The following TDRD12 variants were observed in gnomAD, a reference collection of about 807,000 sequenced individuals.
The protein encoded by TDRD12 is putative ATP-dependent RNA helicase TDRD12.
A neutral mutation model predicts 133.5 loss-of-function variants in TDRD12; 158 were observed. The observed-to-expected ratio is 1.18, with a 90% confidence interval of 1.04 to 1.35. The LOEUF is 1.35. Ranked by LOEUF, TDRD12 falls within the 40% of genes most tolerant of loss-of-function variation. The pLI is 0.00. For synonymous variants in TDRD12, 460 were observed against 477.9 expected (o/e 0.96, Z 0.49); for missense variants, 1,443 against 1,321.3 (o/e 1.09, Z -1.43).
chr19:32,798,396 G>A, exon 16 of TDRD12: 1 of 1,535,940 alleles, frequency 6.5e-7, no homozygotes, highest in Non-Finnish European at 8.7e-7. Context: ...ACCTGATCCT[G>A]GATGAGGTAG....
At position 32,748,372 on chromosome 19, in the gene TDRD12, C is replaced by G. The variant is rs1048259862; in HGVS notation, c.441-104C>G. On this transcript the variant is annotated intron_variant, in intron 4 of 27. Transcript: ENST00000444215. ...TGCCCCATCATCTGCATCACGTGTT[C>G]CATATGTAGTGTGAGAAATGTCCAG... 10 of 1,158,722 alleles carry G rather than the reference C, an allele frequency of 8.6e-6. No individual in the cohort carries two copies. The African/African-American group carries it at 1.4e-4, about 16-fold the overall frequency. The allele number at this position is 1,158,722 out of a possible 1,614,324, so 71.8% of individuals were successfully genotyped here.
At chr19:32,807,741 G>T (rs1250441540) in intron 22 of TDRD12, 93 bp downstream of exon 22, 31 of 892,786 alleles carry the variant, frequency 3.5e-5, no homozygotes, top group Non-Finnish European at 5.2e-5. Flanking sequence ...TAGATGTCAT[G>T]GTGCCTTCCA....
In TDRD12 at chr19:32,821,096, A is replaced by AG. The variant is rs1265344328; in HGVS notation, c.3449dup (p.Gly1151ArgfsTer3). On this transcript the variant is annotated frameshift_variant, in exon 28 of 28. Transcript: ENST00000444215. LOFTEE classifies it low-confidence loss of function (END_TRUNC). ...CCCAGCCTGAGGACACGGGTGCAGA[A>AG]GGAGGGGCTGAGTCCAAGACGAGCT... 7.8e-6 allele frequency: 12 copies of AG among 1,536,000 alleles called. No individual in the cohort carries two copies. In the African/African-American group the frequency reaches 1.2e-4, roughly 16 times the overall value.
In TDRD12 at chr19:32,818,169, C is replaced by T. The variant is rs1310810055; in HGVS notation, c.3383+12C>T. On this transcript the variant is annotated intron_variant, in intron 27 of 27. Coordinates refer to ENST00000444215, the Ensembl canonical transcript of TDRD12. ...CAGGGGGGGCAGGGGTGAGTAAGAA[C>T]ACCACAGAGCTTCCTCCCAGAATGC... The T allele has an allele frequency of 5.7e-6, 4 of 698,518 alleles. No individual in the cohort carries two copies. The Admixed American group carries it at 8.1e-5, about 14-fold the overall frequency. 43.3% of individuals were successfully genotyped at this position (698,518 alleles called of 1,614,324 possible).
chr19:32,825,875 C>T (rs1235153980), downstream of TDRD12, among the ~76,000 whole-genome samples: 6 of 152,122 alleles, frequency 3.9e-5, no homozygotes, highest in Non-Finnish European at 5.9e-5. The surrounding 1 kb of genome is among the most constrained non-coding windows in gnomAD (Gnocchi z 4.1). Flanking sequence ...AACGAAACTC[C>T]ATCTCAAAAA....
intron 6 of TDRD12, among the ~76,000 whole-genome samples, chr19:32,753,809 G>A (rs770836167): frequency 4.6e-5 from 7 of 151,286 alleles, no homozygotes; most frequent in South Asian, 2.1e-4. Context: ...GAGCCACCAC[G>A]CCCGGCTGGC....
chr19:32,751,231 G>T (rs1969818111), intron 6 of TDRD12, among the ~76,000 whole-genome samples: 1 of 150,250 alleles, frequency 6.7e-6, no homozygotes, highest in Non-Finnish European at 1.5e-5. Context: ...GCATTAGTTT[G>T]CTGAGGATAA....
chr19:32,747,491 G>A (rs1042829341), intron 4 of TDRD12, among the ~76,000 whole-genome samples: 1 of 152,114 alleles, frequency 6.6e-6, no homozygotes, highest in Admixed American at 6.5e-5. Flanking sequence ...GATGGTGGTG[G>A]CATCTCTGGT....
intron 14 of TDRD12, among the ~76,000 whole-genome samples, chr19:32,797,138 G>C (rs957925324): frequency 6.6e-6 from 1 of 151,874 alleles, no homozygotes; most frequent in African/African-American, 2.4e-5. Flanking sequence ...ACACTACCAC[G>C]CCTGGCTAAT....
At chr19:32,783,851 G>T (rs1970835522) in intron 11 of TDRD12, among the ~76,000 whole-genome samples, 1 of 152,174 alleles carries the variant, frequency 6.6e-6, no homozygotes. Context: ...ATCAGCTTAA[G>T]GAAATTTTGG....
chr19:32,752,908 T>G (rs1303461606), intron 6 of TDRD12, among the ~76,000 whole-genome samples: 1 of 150,092 alleles, frequency 6.7e-6, no homozygotes, highest in Non-Finnish European at 1.5e-5. Flanking sequence ...TTCTCCTGCC[T>G]CAACCTCCCG....
At chr19:32,749,953 C>A in intron 6 of TDRD12, 84 bp downstream of exon 6, 1 of 1,001,460 alleles carries the variant, frequency 1.0e-6, no homozygotes, top group Non-Finnish European at 1.5e-6. Flanking sequence ...AAGAAAAACA[C>A]TGTAGTTCGT....
chr19:32,821,353 G>A (rs1275376568), downstream of TDRD12: 2 of 573,302 alleles, frequency 3.5e-6, no homozygotes, highest in Admixed American at 3.0e-5. Flanking sequence ...CAGATGTTAA[G>A]TGAACAGCTC....
chr19:32,781,741 C>G (rs182960722), intron 11 of TDRD12, among the ~76,000 whole-genome samples: 16 of 151,088 alleles, frequency 1.1e-4, no homozygotes, highest in Non-Finnish European at 2.2e-4. Flanking sequence ...CCTTTGTTGC[C>G]GGTGTTTGGA....
At chr19:32,811,288 C>T in exon 24 of TDRD12, 2 of 1,536,112 alleles carry the variant, frequency 1.3e-6, no homozygotes, top group Non-Finnish European at 1.7e-6. Context: ...TCGATGAAGG[C>T]AGGACGGGGC....
chr19:32,782,838 T>G (rs1970808150), intron 11 of TDRD12, among the ~76,000 whole-genome samples: 1 of 152,248 alleles, frequency 6.6e-6, no homozygotes, highest in South Asian at 2.1e-4. Flanking sequence ...TGTAAATTTG[T>G]TTAAGTTCTT....
At chr19:32,791,633 C>T (rs1293564006) in intron 13 of TDRD12, among the ~76,000 whole-genome samples, 2 of 152,036 alleles carry the variant, frequency 1.3e-5, no homozygotes, top group Non-Finnish European at 2.9e-5. Context: ...GGAAGGAGTG[C>T]TTTGCGAGCG....
chr19:32,781,970 CT>C (rs1555772137), intron 11 of TDRD12, among the ~76,000 whole-genome samples: 2 of 149,046 alleles, frequency 1.3e-5, no homozygotes, highest in East Asian at 2.0e-4. Context: ...ATATATTTTT[CT>C]TTTTTTTTTA....
chr19:32,755,816 G>T (rs1313327461), intron 6 of TDRD12, among the ~76,000 whole-genome samples, 176 bp from the exon 7 acceptor site: 1 of 152,222 alleles, frequency 6.6e-6, no homozygotes, highest in Non-Finnish European at 1.5e-5. Context: ...TCCTCATCAG[G>T]ATTGGTGGGA....
Sources: gnomAD v4.1 joint callset for allele counts (sites outside exome capture counted in the v4.1 genomes callset) on GRCh38, gnomAD v4.1.1 for gene constraint, Gnocchi (gnomAD v3.1) non-coding constraint, MANE v1.5 for transcripts, NCBI Gene and HGNC (gene_info 2026-07-23, HGNC 2026-07-21) for gene names.